The following UPRT variants were observed in gnomAD, a reference collection of about 807,000 sequenced individuals.
The protein encoded by UPRT is uracil phosphoribosyltransferase homolog.
A neutral mutation model predicts 22.6 loss-of-function variants in UPRT; 5 were observed. The observed-to-expected ratio is 0.22, with a 90% CI of 0.12 to 0.47. The LOEUF is 0.47. UPRT is among the 20% of genes least tolerant of loss of function. UPRT has a pLI of 0.99. For synonymous variants in UPRT, 77 were observed against 87.7 expected, an observed-to-expected ratio of 0.88 and a Z score of 0.68; for missense variants, 181 against 239.9, an observed-to-expected ratio of 0.75 and a Z score of 1.62.
Position 75,290,918 on chromosome X carries a change from AAAC to A in UPRT, c.387-2553_387-2551del, listed in dbSNP as rs780445192. 3.2e-4 allele frequency among the ~76,000 whole-genome samples: 36 copies of A among 111,359 alleles called. 1 individual carries two copies. Among genetic ancestry groups the A allele is most frequent in the African/African-American group, 1.1e-3 (35 of 30,680 alleles). ...GCATCATGCAATAGACCCAGGTAAA[AAAC>A]CTGCACATGTACCCCCTGAATGTAA... On this transcript the variant is annotated intron_variant, in intron 1 of 6. Coordinates refer to ENST00000373383, the MANE Select transcript of UPRT (RefSeq NM_145052.4).
At chrX:75,247,494 G>A (rs1267797766) in intron 4 of UPRT, among the ~76,000 whole-genome samples, 1 of 111,736 alleles carries the variant, frequency 8.9e-6, no homozygotes, top group Non-Finnish European at 1.9e-5. Flanking sequence ...TAGCACAGCA[G>A]TCTGAGATCA....
chrX:75,257,795 G>A (rs184257526), intron 4 of UPRT, among the ~76,000 whole-genome samples: 7 of 111,261 alleles, frequency 6.3e-5, no homozygotes, highest in African/African-American at 2.3e-4. Flanking sequence ...GGATTTGCTT[G>A]CAAGATGGCC....
chrX:75,178,246 C>A (rs188590213), intron 4 of UPRT, among the ~76,000 whole-genome samples: 1 of 112,173 alleles, frequency 8.9e-6, no homozygotes, highest in African/African-American at 3.2e-5. Context: ...CTGCGCTAGT[C>A]GCTTTTAACT....
chrX:75,253,533 C>T (rs146495258), intron 4 of UPRT, among the ~76,000 whole-genome samples: 9 of 111,814 alleles, frequency 8.0e-5, no homozygotes, highest in African/African-American at 2.3e-4. Flanking sequence ...ACAGAAAAAC[C>T]GAAGTCTCTT....
At chrX:75,233,924 C>A (rs1462650604) in intron 4 of UPRT, among the ~76,000 whole-genome samples, 3 of 110,216 alleles carry the variant, frequency 2.7e-5, no homozygotes, top group African/African-American at 9.9e-5. Context: ...GGATCAAATT[C>A]ACACATAACA....
At chrX:75,160,707 T>A (rs922997581) in intron 2 of UPRT, among the ~76,000 whole-genome samples, 3 of 111,109 alleles carry the variant, frequency 2.7e-5, no homozygotes, top group Non-Finnish European at 5.7e-5. Context: ...ATTTAAAAAA[T>A]TTTTTAAAGA....
At chrX:75,298,437 C>A (rs1398827686) in intron 4 of UPRT, among the ~76,000 whole-genome samples, 3 of 111,910 alleles carry the variant, frequency 2.7e-5, no homozygotes, top group African/African-American at 9.7e-5. Flanking sequence ...TCTAAACCAA[C>A]CTTTGTATAG....
intron 4 of UPRT, among the ~76,000 whole-genome samples, chrX:75,267,840 A>C (rs190178291): frequency 9.0e-6 from 1 of 111,571 alleles, no homozygotes; most frequent in East Asian, 2.8e-4. Context: ...CTAACATCAC[A>C]ATTAAAAGAA....
chrX:75,218,782 G>A (rs1426740491), intron 4 of UPRT, among the ~76,000 whole-genome samples: 1 of 105,649 alleles, frequency 9.5e-6, no homozygotes, highest in Non-Finnish European at 1.9e-5. Flanking sequence ...GTAAACTATT[G>A]CAAGAACAAA....
chrX:75,251,600 G>A (rs1324828853), intron 4 of UPRT, among the ~76,000 whole-genome samples: 5 of 111,779 alleles, frequency 4.5e-5, no homozygotes, highest in African/African-American at 1.3e-4. Context: ...ATGCTCATGG[G>A]TAGGAAGAAT....
intron 6 of UPRT, among the ~76,000 whole-genome samples, chrX:75,303,142 G>A (rs1288619731): frequency 2.7e-5 from 3 of 111,502 alleles, no homozygotes; most frequent in African/African-American, 9.8e-5. Context: ...TTCTATAACT[G>A]AACAATTATA....
At chrX:75,169,538 T>G (rs1448238680) in intron 4 of UPRT, among the ~76,000 whole-genome samples, 2 of 112,286 alleles carry the variant, frequency 1.8e-5, no homozygotes, top group Non-Finnish European at 3.8e-5. Context: ...GACTCAATGA[T>G]CATTTAGGAG....
At chrX:75,156,964 T>C (rs189693730) in intron 1 of UPRT, among the ~76,000 whole-genome samples, 61 of 111,332 alleles carry the variant, frequency 5.5e-4, no homozygotes, top group Admixed American at 2.6e-3. Flanking sequence ...TTTGTCACTC[T>C]TTCTAGCTCT....
At chrX:75,183,251 C>T (rs2082277189) in intron 4 of UPRT, among the ~76,000 whole-genome samples, 5 of 110,663 alleles carry the variant, frequency 4.5e-5, no homozygotes, top group African/African-American at 1.3e-4. Context: ...TAATTCCCAC[C>T]TGTGAGTGAG....
intron 4 of UPRT, among the ~76,000 whole-genome samples, chrX:75,196,298 T>TG (rs1387478743): frequency 5.3e-5 from 6 of 112,202 alleles, no homozygotes; most frequent in African/African-American, 1.9e-4. Context: ...CCTGAGTACC[T>TG]GGGACTATAG....
chrX:75,297,789 T>G, intron 4 of UPRT: 1 of 372,826 alleles, frequency 2.7e-6, no homozygotes, highest in Non-Finnish European at 4.7e-6. Context: ...CAAGCCAGCT[T>G]TCAAAGAGAT....
intron 1 of UPRT, among the ~76,000 whole-genome samples, chrX:75,288,929 A>G (rs749840184): frequency 8.5e-4 from 95 of 112,035 alleles, no homozygotes; most frequent in Admixed American, 1.9e-3. Context: ...GATTCTATAC[A>G]TAGAAAACCC....
chrX:75,221,909 G>A (rs957864657), intron 4 of UPRT, among the ~76,000 whole-genome samples: 2 of 111,537 alleles, frequency 1.8e-5, no homozygotes, highest in Non-Finnish European at 3.8e-5. Context: ...ACACTGAGTG[G>A]TTAGGTATTT....
At chrX:75,207,277 C>T in intron 4 of UPRT, among the ~76,000 whole-genome samples, 1 of 112,348 alleles carries the variant, frequency 8.9e-6, no homozygotes, top group Non-Finnish European at 1.9e-5. Context: ...CTATCTTTGC[C>T]TGTTTACAGG....
Sources: gnomAD v4.1 joint callset for allele counts (sites outside exome capture counted in the v4.1 genomes callset) on GRCh38, gnomAD v4.1.1 for gene constraint, MANE v1.5 for transcripts, NCBI Gene and HGNC (gene_info 2026-07-23, HGNC 2026-07-21) for gene names.